ARHGAP39: variants seen among roughly 807,000 people sequenced by gnomAD.
ARHGAP39 encodes the protein Rho GTPase activating protein 39.
Under a neutral mutation model 106.9 loss-of-function variants are expected in ARHGAP39, and 44 were observed. The ratio of observed to expected loss-of-function variants is 0.41; its 90% CI spans 0.32 to 0.53. The LOEUF (loss-of-function observed/expected upper bound fraction) is 0.53, where lower values mean the gene tolerates loss of function less well. Ranked by LOEUF, ARHGAP39 falls within the 20% of genes least tolerant of loss-of-function variation. The pLI, the probability that ARHGAP39 is intolerant of heterozygous loss-of-function variation, is 0.21. For missense variants in ARHGAP39, 1,496 were observed against 1,577.3 expected (o/e 0.95, Z 0.87); for synonymous variants, 768 against 693.2 (o/e 1.11, Z -1.69).
At chr8:144,592,231 T>C (rs1819431691) in intron 2 of ARHGAP39, among the ~76,000 whole-genome samples, 1 of 151,774 alleles carries the variant, frequency 6.6e-6, no homozygotes, top group South Asian at 2.1e-4. Flanking sequence ...GGGCACCTCC[T>C]GGGGGACAGC....
Position 144,548,512 on chromosome 8 carries a change from C to A in ARHGAP39, c.597-23G>T. On this transcript the variant is annotated intron_variant, in intron 4 of 11. Coordinates refer to ENST00000377307, the MANE Select transcript of ARHGAP39 (RefSeq NM_025251.3). The surrounding 1 kb of genome is among the most constrained non-coding windows in gnomAD (Gnocchi z 7.4). Reference sequence around the variant, plus strand: ...GTCCTGCGTGGGGGGTGGACGGGCACAGGTGACTGCCTGCCTGCTGCTTCT... The same window carrying A: ...GTCCTGCGTGGGGGGTGGACGGGCAAAGGTGACTGCCTGCCTGCTGCTTCT... 1 of 1,598,872 alleles carries A rather than the reference C, an allele frequency of 6.3e-7. No individual in the cohort carries two copies. Among genetic ancestry groups the A allele is most frequent in the Non-Finnish European group, 8.5e-7 (1 of 1,175,210 alleles).
chr8:144,603,181 CTGTG>C (rs758491514), intron 2 of ARHGAP39, among the ~76,000 whole-genome samples: 18 of 100,382 alleles, frequency 1.8e-4, no homozygotes, highest in Admixed American at 4.5e-4. Context: ...GCTCATGTAC[CTGTG>C]TGTGTGCGTG....
At chr8:144,654,510 T>C (rs997734043) in intron 1 of ARHGAP39, among the ~76,000 whole-genome samples, 1 of 152,030 alleles carries the variant, frequency 6.6e-6, no homozygotes, top group African/African-American at 2.4e-5. Context: ...TCAAAAAAAC[T>C]TTTTCCAAAT....
At chr8:144,662,473 C>T (rs1410983314) in intron 1 of ARHGAP39, among the ~76,000 whole-genome samples, 1 of 147,804 alleles carries the variant, frequency 6.8e-6, no homozygotes, top group Admixed American at 6.7e-5. Flanking sequence ...TTGGGTCACT[C>T]CTCCCCTCCC....
intron 2 of ARHGAP39, among the ~76,000 whole-genome samples, chr8:144,600,074 C>T (rs560737264): frequency 1.3e-5 from 2 of 152,200 alleles, no homozygotes; most frequent in African/African-American, 2.4e-5. Flanking sequence ...TACCTGTGTG[C>T]GTGTGCATGG....
rs565769677 is a variant in ARHGAP39, at chr8:144,684,927, C to T, written c.-82+759G>A. Among the ~76,000 whole-genome samples the T allele has an allele frequency of 5.3e-5, 8 of 152,282 alleles. No individual in the cohort carries two copies. The South Asian group carries it at 1.7e-3, about 32-fold the overall frequency. ...CCGGGGACAAAGCCCGAGGCTGCAC[C>T]GCAGCGCACCGCAGCCCTGCACCCG... is the stretch of plus-strand genomic sequence containing the variant. On this transcript the variant is annotated intron_variant, in intron 1 of 11. Transcript: ENST00000377307. The surrounding 1 kb of genome is among the most constrained non-coding windows in gnomAD (Gnocchi z 4.4).
chr8:144,662,189 C>CT (rs1159185644), intron 1 of ARHGAP39, among the ~76,000 whole-genome samples: 4 of 150,948 alleles, frequency 2.6e-5, no homozygotes, highest in East Asian at 2.0e-4. Flanking sequence ...TGGATCACTC[C>CT]ACCCTCCCCA....
At chr8:144,562,182 AT>A (rs1818204023) in intron 3 of ARHGAP39, among the ~76,000 whole-genome samples, 1 of 147,088 alleles carries the variant, frequency 6.8e-6, no homozygotes, top group African/African-American at 2.6e-5. Context: ...TTTCCATCAC[AT>A]CCCAGTGGTT....
At chr8:144,576,125 A>C (rs181923307) in intron 3 of ARHGAP39, among the ~76,000 whole-genome samples, 1 of 152,044 alleles carries the variant, frequency 6.6e-6, no homozygotes, top group East Asian at 1.9e-4. Flanking sequence ...AGGTTAAGAG[A>C]TCGAGACCAG....
At chr8:144,677,807 G>T (rs1028541318) in intron 1 of ARHGAP39, among the ~76,000 whole-genome samples, 3 of 152,214 alleles carry the variant, frequency 2.0e-5, no homozygotes, top group African/African-American at 7.2e-5. Flanking sequence ...AGACTAGGAG[G>T]CTTCACTGAG....
chr8:144,553,690 C>A (rs1817806463), intron 4 of ARHGAP39, among the ~76,000 whole-genome samples: 1 of 152,248 alleles, frequency 6.6e-6, no homozygotes, highest in Admixed American at 6.5e-5. Context: ...GAGGAGGTGG[C>A]CAAGCTGCCT....
rs774459288 is a variant in ARHGAP39, at chr8:144,547,626, T to C, written c.1460A>G (p.Tyr487Cys). The C allele has an allele frequency of 2.0e-6, 3 of 1,508,988 alleles. No homozygotes were observed. The highest frequency in any genetic ancestry group is 2.7e-6 in the Non-Finnish European group (3 of 1,129,970). The allele number at this position is 1,508,988 out of a possible 1,614,324, so 93.5% of individuals were successfully genotyped here. Residue 487 changes from tyrosine (Y) to cysteine (C), a missense_variant, in exon 5 of 12, where the codon TAC (tyrosine) becomes TGC (cysteine). Around this residue, in one of 4 missense-constraint regions of ARHGAP39, gnomAD observed 905 missense variants for 816.4 expected, o/e 1.11. Transcript: ENST00000377307. This position sits in a 1 kb window ranked among gnomAD's most constrained non-coding sequence, Gnocchi z 5.2. ...SQQDTLSSTG[Y>C]SPGTRKRKSR... Reference sequence around the variant, plus strand: ...CTTCCGCTTGCGCGTGCCCGGGGAGTAGCCTGTGGAGGACAGGGTGTCCTG... The same window carrying C: ...CTTCCGCTTGCGCGTGCCCGGGGAGCAGCCTGTGGAGGACAGGGTGTCCTG...
intron 1 of ARHGAP39, among the ~76,000 whole-genome samples, chr8:144,666,364 G>A (rs975694087): frequency 1.3e-5 from 2 of 152,182 alleles, no homozygotes; most frequent in African/African-American, 4.8e-5. Flanking sequence ...GGGCTGTTGG[G>A]AAGGCATGAT....
Position 144,529,199 on chromosome 8 carries a change from T to G in ARHGAP39, c.*1223A>C. ...ACGCGCAGGGTCCATGTGCACTTTA[T>G]TCACTCGTGTCGTCGCCTCTCGGGT... is the stretch of plus-strand genomic sequence containing the variant. On this transcript the variant is annotated 3_prime_UTR_variant, in exon 12 of 12. Coordinates refer to ENST00000377307, the MANE Select transcript of ARHGAP39 (RefSeq NM_025251.3). The G allele has an allele frequency of 2.6e-4, 78 of 299,262 alleles. No individual in the cohort carries two copies. The highest frequency in any genetic ancestry group is 9.4e-4 in the Middle Eastern group (1 of 1,064). The allele number at this position is 299,262 out of a possible 1,614,324, so 18.5% of individuals were successfully genotyped here.
chr8:144,577,529 A>T (rs988017909), intron 3 of ARHGAP39, among the ~76,000 whole-genome samples: 7 of 152,228 alleles, frequency 4.6e-5, no homozygotes, highest in African/African-American at 7.2e-5. Flanking sequence ...AATCCTATGC[A>T]GGGCAATCAG....
At chr8:144,698,656 T>C in the ARHGAP39 span, 1 of 311,894 alleles carries the variant, frequency 3.2e-6, no homozygotes, top group Admixed American at 4.5e-5. Flanking sequence ...GGCTCAGCTT[T>C]AGTATTTTGC....
rs759171540 is a variant in ARHGAP39, at chr8:144,530,821, G to T, written c.3031C>A (p.His1011Asn). The T allele has an allele frequency of 1.9e-6, 3 of 1,611,616 alleles. No homozygotes were observed. Among genetic ancestry groups the T allele is most frequent in the Non-Finnish European group, 2.5e-6 (3 of 1,179,732 alleles). Residue 1011 changes from histidine to asparagine, a missense_variant, in exon 11 of 12, where the codon CAC (histidine) becomes AAC (asparagine). Physicochemically the swap from His to Asn is moderately conservative, Grantham distance 68. Around this residue, in one of 4 missense-constraint regions of ARHGAP39, gnomAD observed 470 missense variants for 605.1 expected, o/e 0.78. Transcript: ENST00000377307. The stretch of plus-strand genomic sequence containing the variant: ...GCGATGCACTGCTCGTAGAACTCGT[G>T]CGGGATCAGGGGCTCCTCCAGCTCC... ...YRELEEPLIP[H>N]EFYEQCIAHY...
chr8:144,554,663 C>T (rs1227627700), intron 4 of ARHGAP39, among the ~76,000 whole-genome samples: 1 of 152,182 alleles, frequency 6.6e-6, no homozygotes, highest in Non-Finnish European at 1.5e-5. Flanking sequence ...TCTGCAGTGA[C>T]CACTGAGTCA....
intron 3 of ARHGAP39, among the ~76,000 whole-genome samples, chr8:144,560,801 G>A (rs1818114517): frequency 6.6e-6 from 1 of 152,206 alleles, no homozygotes; most frequent in African/African-American, 2.4e-5. Context: ...GCAAGTACTC[G>A]TCACAACAGA....
Sources: gnomAD v4.1 joint callset for allele counts (sites outside exome capture counted in the v4.1 genomes callset) on GRCh38, gnomAD v4.1.1 for gene constraint, gnomAD v4.1.1 regional missense constraint, Gnocchi (gnomAD v3.1) non-coding constraint, MANE v1.5 for transcripts, NCBI Gene and HGNC (gene_info 2026-07-23, HGNC 2026-07-21) for gene names.